The following CLDN10 variants were observed in gnomAD, a reference collection of about 807,000 sequenced individuals.
CLDN10 encodes the protein claudin 10.
A neutral mutation model predicts 22.9 loss-of-function variants in CLDN10; 15 were observed. That is an observed-to-expected ratio of 0.65 (90% confidence interval 0.44 to 1.01). The LOEUF (loss-of-function observed/expected upper bound fraction) is 1.01. CLDN10 is among the 50% of genes least tolerant of loss of function. The pLI is 0.00. For missense variants in CLDN10, 247 were observed against 287.8 expected (o/e 0.86, Z 1.03); for synonymous variants, 114 against 111.4 (o/e 1.02, Z -0.15).
chr13:95,533,235 T>C (rs1594593517), intron 1 of CLDN10, among the ~76,000 whole-genome samples: 1 of 146,350 alleles, frequency 6.8e-6, no homozygotes, highest in African/African-American at 2.5e-5. Flanking sequence ...AAAAGATTGA[T>C]AGAGGGAGGG....
At chr13:95,546,409 T>C (rs189728981) in intron 1 of CLDN10, among the ~76,000 whole-genome samples, 30 of 152,312 alleles carry the variant, frequency 2.0e-4, no homozygotes, top group African/African-American at 7.0e-4. Context: ...CCCCATTGCA[T>C]GGAGTTTTTA....
chr13:95,434,052 A>T (rs1167960436), intron 1 of CLDN10: 1 of 1,612,222 alleles, frequency 6.2e-7, no homozygotes, highest in African/African-American at 1.3e-5. Context: ...TAGCAGGTAA[A>T]TATAATGGCT....
At chr13:95,488,937 T>C (rs2042836936) in intron 1 of CLDN10, among the ~76,000 whole-genome samples, 1 of 145,630 alleles carries the variant, frequency 6.9e-6, no homozygotes, top group African/African-American at 2.5e-5. Context: ...AAATCATAGT[T>C]CTACTTTTTG....
intron 1 of CLDN10, among the ~76,000 whole-genome samples, chr13:95,540,284 A>G (rs1358525536): frequency 1.3e-5 from 2 of 149,102 alleles, no homozygotes; most frequent in African/African-American, 5.0e-5. Context: ...TGGGCAACAG[A>G]GGGAGACTCT....
intron 1 of CLDN10, among the ~76,000 whole-genome samples, chr13:95,478,277 C>G (rs554478485): frequency 5.3e-5 from 8 of 152,198 alleles, no homozygotes; most frequent in Non-Finnish European, 8.8e-5. Flanking sequence ...CACTGCACTC[C>G]AGCCTGGACA....
chr13:95,548,124 C>T (rs1052006816), upstream of CLDN10, among the ~76,000 whole-genome samples: 1 of 152,194 alleles, frequency 6.6e-6, no homozygotes, highest in Admixed American at 6.5e-5. Context: ...CATACTGCCC[C>T]GACCTGGGTG....
chr13:95,555,682 AACTT>A (rs776121537), intron 1 of CLDN10, among the ~76,000 whole-genome samples: 1 of 152,158 alleles, frequency 6.6e-6, no homozygotes, highest in South Asian at 2.1e-4. Context: ...CCGCAAAACA[AACTT>A]ACTTTTCTGT....
chr13:95,450,042 T>G (rs1211047939), intron 1 of CLDN10, among the ~76,000 whole-genome samples: 1 of 152,102 alleles, frequency 6.6e-6, no homozygotes, highest in Non-Finnish European at 1.5e-5. Context: ...ACGCCCGGCC[T>G]TAAAATTTTT....
chr13:95,534,795 T>G (rs977414121), intron 1 of CLDN10, among the ~76,000 whole-genome samples: 12 of 151,856 alleles, frequency 7.9e-5, no homozygotes, highest in Admixed American at 2.0e-4. Context: ...AACTTCAGGG[T>G]TTTTTTTCTC....
chr13:95,449,036 G>A (rs1400147834), intron 1 of CLDN10, among the ~76,000 whole-genome samples: 6 of 151,922 alleles, frequency 3.9e-5, no homozygotes, highest in South Asian at 2.1e-4. Flanking sequence ...ACCGTGCCCC[G>A]TTCCACTAAG....
intron 3 of CLDN10, among the ~76,000 whole-genome samples, chr13:95,563,095 ACTCTCTCTCTCTCTCT>A (rs34473629): frequency 1.6e-5 from 2 of 128,066 alleles, no homozygotes; most frequent in East Asian, 2.2e-4. Flanking sequence ...CTGCCTACCC[ACTCTCTCTCTCTCTCT>A]CTCTCTCTCT....
intron 1 of CLDN10, among the ~76,000 whole-genome samples, chr13:95,466,961 C>T (rs535289671): frequency 6.7e-6 from 1 of 149,694 alleles, no homozygotes; most frequent in African/African-American, 2.5e-5. Flanking sequence ...ACTGCAAGCT[C>T]CATCTCCTTG....
intron 1 of CLDN10, among the ~76,000 whole-genome samples, chr13:95,517,831 G>T (rs907137371): frequency 3.3e-5 from 5 of 151,436 alleles, no homozygotes; most frequent in Admixed American, 3.3e-4. Context: ...CTACTCAGGA[G>T]GGTAAGGCAG....
At position 95,560,241 on chromosome 13, in the gene CLDN10, T is replaced by G; in HGVS notation, c.330T>G (p.Asp110Glu). The G allele has an allele frequency of 1.9e-6, 3 of 1,614,228 alleles. No individual in the cohort carries two copies. The highest frequency in any genetic ancestry group is 2.5e-6 in the Non-Finnish European group (3 of 1,180,020). ...AGTGTACCAAAGTCGGAGGCTCCGA[T>G]AAAGCCAAAGCTAAAATTGCTTGTT... ...GMKCTKVGGS[D>E]KAKAKIACLA... is the part of the protein sequence containing the mutation. The change falls in exon 2 of 5, where the codon GAT becomes GAG. Residue 110 changes from aspartate (D) to glutamate (E), a missense_variant. Coordinates refer to ENST00000299339, the MANE Select transcript of CLDN10 (RefSeq NM_006984.5).
At chr13:95,570,792 A>G (rs1425995963) in intron 3 of CLDN10, among the ~76,000 whole-genome samples, 1 of 150,230 alleles carries the variant, frequency 6.7e-6, no homozygotes, top group African/African-American at 2.5e-5. Flanking sequence ...GATAGGAGGA[A>G]TAAAATATAT....
At chr13:95,486,563 T>C (rs1297125713) in intron 1 of CLDN10, among the ~76,000 whole-genome samples, 1 of 150,790 alleles carries the variant, frequency 6.6e-6, no homozygotes, top group Non-Finnish European at 1.5e-5. Context: ...GGCAGAAGTA[T>C]CTGGACTCCT....
rs1355343088 is a variant in CLDN10, at chr13:95,552,849, G to A, written c.96G>A (p.Val32=). 1 of 1,614,032 alleles carries A rather than the reference G, an allele frequency of 6.2e-7. No individual in the cohort carries two copies. Among genetic ancestry groups the A allele is most frequent in the Non-Finnish European group, 8.5e-7 (1 of 1,180,014 alleles). Residue 32 remains valine, a synonymous_variant, in exon 1 of 5, where the codon GTG becomes GTA. Transcript: ENST00000299339. ...SSTLPTDYWK[V]STIDGTVITT... is the part of the protein sequence containing the mutation. The stretch of plus-strand genomic sequence containing the variant: ...CGCTGCCCACCGACTACTGGAAGGT[G>A]TCTACCATCGACGGCACGGTCATCA...
intron 1 of CLDN10, among the ~76,000 whole-genome samples, chr13:95,532,198 T>G (rs919396589): frequency 1.3e-5 from 2 of 152,184 alleles, no homozygotes; most frequent in Non-Finnish European, 2.9e-5. Flanking sequence ...CTTCTGCTCA[T>G]CAAAAGATGC....
chr13:95,561,020 G>C (rs2043703928), intron 3 of CLDN10: 1 of 152,688 alleles, frequency 6.5e-6, no homozygotes, highest in Non-Finnish European at 1.5e-5. Context: ...TCTTGCAGAT[G>C]AATGCTTTGG....
Sources: gnomAD v4.1 joint callset for allele counts (sites outside exome capture counted in the v4.1 genomes callset) on GRCh38, gnomAD v4.1.1 for gene constraint, MANE v1.5 for transcripts, NCBI Gene and HGNC (gene_info 2026-07-23, HGNC 2026-07-21) for gene names.